Variants in HELZ2 observed in about 807,000 individuals in gnomAD.
HELZ2 encodes the protein helicase with zinc finger 2, also known as 3'-5' exoribonuclease HELZ2.
HELZ2 carries 143 observed loss-of-function variants against 208.8 expected under a neutral mutation model. The observed-to-expected ratio is 0.68, with a 90% CI of 0.60 to 0.79. HELZ2 has a LOEUF of 0.79. Among genes scored for constraint, HELZ2 ranks in the 30% least tolerant of loss-of-function variants. The pLI is 0.00. For synonymous variants in HELZ2, 1,705 were observed against 1,693.7 expected (o/e 1.01, Z -0.16); for missense variants, 3,690 against 3,794.5 (o/e 0.97, Z 0.72).
chr20:63,573,860 C>T (rs1022954165), upstream of HELZ2, among the ~76,000 whole-genome samples: 1 of 152,148 alleles, frequency 6.6e-6, no homozygotes, highest in African/African-American at 2.4e-5. The surrounding 1 kb of genome is among the most constrained non-coding windows in gnomAD (Gnocchi z 4.9). Context: ...GAGAACCCGG[C>T]ACTCCCCGCG....
exon 5 of HELZ2, chr20:63,568,692 C>T (rs1338976419): frequency 1.2e-6 from 2 of 1,605,986 alleles, no homozygotes; most frequent in Non-Finnish European, 1.7e-6. Flanking sequence ...ACCTCCAGGA[C>T]CAGGCGGGCC....
At position 63,562,892 on chromosome 20, in the gene HELZ2, C is replaced by T. The variant is rs200588095; in HGVS notation, c.5930G>A (p.Arg1977Gln). ...GCCCTGCAGCTGCCCCTGCGGCGTCCGTGACGCCTCCCAGGAGACACTCAG... is the reference window on the plus strand; with the variant it reads ...GCCCTGCAGCTGCCCCTGCGGCGTCTGTGACGCCTCCCAGGAGACACTCAG... The change falls in exon 8 of 19, where the codon CGG becomes CAG. Residue 1977 changes from arginine (R) to glutamine (Q), a missense_variant. Physicochemically the swap from Arg to Gln is conservative, Grantham distance 43. Around this residue, in one of 3 missense-constraint regions of HELZ2, gnomAD observed 2,564 missense variants for 2,580.5 expected, o/e 0.99. Transcript: ENST00000467148. 316 of 1,600,930 alleles carry T rather than the reference C, an allele frequency of 2.0e-4. No individual in the cohort carries two copies. In the East Asian group the frequency reaches 6.4e-3, roughly 33 times the overall value.
chr20:63,568,291 C>T, intron 5 of HELZ2, 67 bp downstream of exon 6: 1 of 1,236,586 alleles, frequency 8.1e-7, no homozygotes, highest in Non-Finnish European at 1.2e-6. Flanking sequence ...CAGGGGGTGA[C>T]CGCCTGCCCG....
intron 3 of HELZ2, 117 bp downstream of exon 4, chr20:63,570,387 G>A (rs942648357): frequency 5.9e-5 from 48 of 816,700 alleles, no homozygotes; most frequent in Non-Finnish European, 8.8e-5. Context: ...TCACGCAGGT[G>A]CTGAGCGGCA....
At chr20:63,563,610 G>A (rs2082913916) in exon 8 of HELZ2, 5 of 1,537,558 alleles carry the variant, frequency 3.3e-6, no homozygotes, top group Non-Finnish European at 3.5e-6. Flanking sequence ...AGCTTGTCCA[G>A]AGGCTGGGCC....
In HELZ2 at chr20:63,566,247, A is replaced by G. The variant is rs2146017494; in HGVS notation, c.2591-16T>C. The G allele has an allele frequency of 6.7e-7, 1 of 1,485,112 alleles. No homozygotes were observed. The highest frequency in any genetic ancestry group is 9.0e-7 in the Non-Finnish European group (1 of 1,113,088). The allele number at this position is 1,485,112 out of a possible 1,614,324, so 92.0% of individuals were successfully genotyped here. On this transcript the variant is annotated splice_polypyrimidine_tract_variant and intron_variant, in intron 7 of 18. Coordinates refer to ENST00000467148, the Ensembl canonical transcript of HELZ2. ...AACTGCCGCCCTGCAGGGGGCACGC[A>G]GTCAGGTCAGGCTGGGTGCGCAAGA...
At chr20:63,569,199 A>G (rs1164807400) in exon 4 of HELZ2, 1 of 1,552,190 alleles carries the variant, frequency 6.4e-7, no homozygotes, top group East Asian at 2.3e-5. Context: ...AAACTGGTGC[A>G]TCCTCTGCCG....
Position 63,567,565 on chromosome 20 carries a change from G to GC in HELZ2, c.1792dup (p.Ala598GlyfsTer56). 1 of 1,583,916 alleles carries GC rather than the reference G, an allele frequency of 6.3e-7. No homozygotes were observed. Reference sequence around the variant, plus strand: ...CGTGTACATCACACGGAGAGGAGTGGCCTCGGGGTGGCCGCCGCTGACGTG... The same window carrying GC: ...CGTGTACATCACACGGAGAGGAGTGGCCCTCGGGGTGGCCGCCGCTGACGTG... On this transcript the variant is annotated frameshift_variant, in exon 6 of 19. Coordinates refer to ENST00000467148, the Ensembl canonical transcript of HELZ2. LOFTEE classifies it high-confidence loss of function.
At chr20:63,559,285 G>C (rs766730814) in exon 19 of HELZ2, 5 of 1,591,214 alleles carry the variant, frequency 3.1e-6, no homozygotes, top group Non-Finnish European at 2.6e-6. Flanking sequence ...CGCGCACCTG[G>C]CCGGCAGGCA....
At chr20:63,572,611 G>A, upstream of HELZ2, 1 of 531,836 alleles carries the variant, frequency 1.9e-6, no homozygotes, top group Non-Finnish European at 3.3e-6. Flanking sequence ...AGATGCATGG[G>A]GGACAGCGCC....
At chr20:63,567,087 G>A in exon 6 of HELZ2, 1 of 1,612,148 alleles carries the variant, frequency 6.2e-7, no homozygotes, top group Non-Finnish European at 8.5e-7. Context: ...TGGCCACGTA[G>A]AAGTGCCGCG....
chr20:63,559,932 C>A (rs2082866728), exon 18 of HELZ2: 1 of 1,609,562 alleles, frequency 6.2e-7, no homozygotes, highest in Non-Finnish European at 8.5e-7. Context: ...CCTCACCGAT[C>A]AGGCAGAGCC....
rs758435724 is a variant in HELZ2, at chr20:63,564,827, C to T, written c.3995G>A (p.Gly1332Asp). The T allele has an allele frequency of 3.7e-5, 59 of 1,610,166 alleles. No homozygotes were observed. Among genetic ancestry groups the T allele is most frequent in the Non-Finnish European group, 4.9e-5 (58 of 1,177,756 alleles). ...GAAGGCGCGGCAGTCCTCTCGGCGG[C>T]CGGCAACCCGGCCAAGCTCCGTGTG... The change falls in exon 8 of 19, where the codon GGC (glycine) becomes GAC (aspartate). Residue 1332 changes from glycine to aspartate, a missense_variant. Coordinates refer to ENST00000467148, the Ensembl canonical transcript of HELZ2.
At chr20:63,559,189 G>A, downstream of HELZ2, 12 of 1,450,424 alleles carry the variant, frequency 8.3e-6, 1 homozygote, top group South Asian at 1.5e-4. Flanking sequence ...TGGGGAGGGT[G>A]GGGGGGCCCT....
At chr20:63,562,147 T>G in exon 10 of HELZ2, 1 of 1,612,032 alleles carries the variant, frequency 6.2e-7, no homozygotes, top group Non-Finnish European at 8.5e-7. Context: ...GGGTTCAGCT[T>G]GTGGCGGCCT....
At chr20:63,561,304 G>A (rs765652316) in intron 13 of HELZ2, 30 bp from the exon 15 acceptor site, 1 of 1,612,476 alleles carries the variant, frequency 6.2e-7, no homozygotes, top group Non-Finnish European at 8.5e-7. Flanking sequence ...TCACCCCAGG[G>A]CCCCCATGCT....
At chr20:63,564,587 C>T in exon 8 of HELZ2, 1 of 1,567,144 alleles carries the variant, frequency 6.4e-7, no homozygotes, top group Non-Finnish European at 8.6e-7. Context: ...GACGTCCTGG[C>T]AGAGGCTGGC....
chr20:63,571,399 G>A (rs74179813), intron 1 of HELZ2: 4 of 118,908 alleles, frequency 3.4e-5, no homozygotes, highest in South Asian at 2.2e-4. Flanking sequence ...CTCTGCCTAC[G>A]GTGGGCTCCT....
At chr20:63,567,367 A>G in exon 6 of HELZ2, 3 of 1,601,808 alleles carry the variant, frequency 1.9e-6, no homozygotes, top group Non-Finnish European at 2.6e-6. Flanking sequence ...ATCGATGAGA[A>G]TGTGGGAGAA....
Sources: allele counts gnomAD v4.1 joint callset (sites outside exome capture counted in the v4.1 genomes callset), GRCh38; gene constraint gnomAD v4.1.1; regional missense constraint gnomAD v4.1.1; non-coding constraint Gnocchi (gnomAD v3.1); transcripts MANE v1.5; gene names NCBI Gene and HGNC (gene_info 2026-07-23, HGNC 2026-07-21).